RAB40C: variants seen among roughly 807,000 people sequenced by gnomAD.
RAB40C encodes ras-related protein Rab-40C.
In RAB40C, 8 loss-of-function variants were observed where a neutral mutation model predicts 28.1. The ratio of observed to expected loss-of-function variants is 0.28; its 90% CI spans 0.17 to 0.51. The LOEUF (loss-of-function observed/expected upper bound fraction) is 0.51, where lower values mean the gene tolerates loss of function less well. Ranked by LOEUF, RAB40C falls within the 20% of genes least tolerant of loss-of-function variation. The pLI is 0.97. For synonymous variants in RAB40C, 201 were observed against 171.7 expected (o/e 1.17, Z -1.34); for missense variants, 288 against 405.9 (o/e 0.71, Z 2.50).
intron 4 of RAB40C, 86 bp downstream of exon 4, chr16:625,595 G>C: frequency 1.5e-6 from 2 of 1,378,848 alleles, no homozygotes; most frequent in Admixed American, 3.6e-5. Flanking sequence ...ATTCCCGCCT[G>C]CCGCCCCTCC....
chr16:592,867 G>A (rs530121525), intron 1 of RAB40C, among the ~76,000 whole-genome samples: 3 of 152,356 alleles, frequency 2.0e-5, no homozygotes, highest in Non-Finnish European at 4.4e-5. Flanking sequence ...TGTCCCCTTC[G>A]TCGGGCTGTG....
chr16:625,771 C>T, intron 4 of RAB40C, 128 bp from the exon 5 acceptor site: 1 of 1,013,320 alleles, frequency 9.9e-7, no homozygotes. Flanking sequence ...CCCACCTTGA[C>T]CTCCGCCCAC....
chr16:616,231 G>C (rs2036581541), intron 1 of RAB40C, among the ~76,000 whole-genome samples: 1 of 150,992 alleles, frequency 6.6e-6, no homozygotes, highest in Non-Finnish European at 1.5e-5. Flanking sequence ...ACTCCAGCCT[G>C]GGTGACTGAG....
At chr16:618,534 C>T (rs1224305683) in intron 3 of RAB40C, among the ~76,000 whole-genome samples, 2 of 152,266 alleles carry the variant, frequency 1.3e-5, no homozygotes, top group Non-Finnish European at 2.9e-5. Context: ...GGAGTACAGG[C>T]GCAGTGGGTG....
At chr16:601,137 C>G (rs564848148) in intron 1 of RAB40C, among the ~76,000 whole-genome samples, 4 of 152,286 alleles carry the variant, frequency 2.6e-5, no homozygotes, top group African/African-American at 9.6e-5. Flanking sequence ...GTGTTTGGAA[C>G]AGAGATAGAA....
At chr16:590,658 G>A (rs1205301861) in intron 1 of RAB40C, among the ~76,000 whole-genome samples, 1 of 152,246 alleles carries the variant, frequency 6.6e-6, no homozygotes, top group Non-Finnish European at 1.5e-5. Flanking sequence ...GCGCCCAGCG[G>A]GGACGGTGCC....
intron 1 of RAB40C, among the ~76,000 whole-genome samples, chr16:615,560 A>T (rs1001165784): frequency 3.3e-5 from 5 of 152,332 alleles, no homozygotes; most frequent in African/African-American, 1.2e-4. Context: ...GAGGGCCCAG[A>T]GCCTGTTTAA....
intron 2 of RAB40C, among the ~76,000 whole-genome samples, 163 bp downstream of exon 2, chr16:617,431 A>C (rs547258481): frequency 6.6e-6 from 1 of 152,330 alleles, no homozygotes; most frequent in African/African-American, 2.4e-5. Context: ...CTCCAACAGG[A>C]AAAAGACAGT....
At chr16:600,586 A>G (rs987284250) in intron 1 of RAB40C, among the ~76,000 whole-genome samples, 2 of 152,156 alleles carry the variant, frequency 1.3e-5, no homozygotes, top group Non-Finnish European at 1.5e-5. Context: ...CCCCGTCTCT[A>G]CTAAAAATTC....
chr16:609,717 C>T (rs1374854644), intron 1 of RAB40C, among the ~76,000 whole-genome samples: 1 of 152,150 alleles, frequency 6.6e-6, no homozygotes, highest in Admixed American at 6.5e-5. Context: ...ATAAGCAGCA[C>T]ATTTTAAAAA....
At position 625,979 on chromosome 16, in the gene RAB40C, C is replaced by T. The variant is rs1422234277; in HGVS notation, c.423C>T (p.Ala141=). 4 of 1,613,172 alleles carry T rather than the reference C, an allele frequency of 2.5e-6. No individual in the cohort carries two copies. Among genetic ancestry groups the T allele is most frequent in the Non-Finnish European group, 3.4e-6 (4 of 1,179,994 alleles). Residue 141 remains alanine (A), a synonymous_variant, in exon 5 of 6, where the codon GCC becomes GCT. Transcript: ENST00000248139. The stretch of plus-strand genomic sequence containing the variant: ...AGCGGCAGGTCCCGACGGAGCAGGC[C>T]CGCGCGTACGCAGAGAAGAACTGCA... ...AFKRQVPTEQ[A]RAYAEKNCMT... is the part of the protein sequence containing the mutation.
chr16:618,162 A>G (rs1199767027), intron 2 of RAB40C, 38 bp from the exon 3 acceptor site: 1 of 1,594,844 alleles, frequency 6.3e-7, no homozygotes. Flanking sequence ...TCTCACAGGG[A>G]CCACAGTCCC....
intron 3 of RAB40C, among the ~76,000 whole-genome samples, chr16:619,327 CAT>C (rs1339146412): frequency 5.3e-5 from 8 of 150,602 alleles, no homozygotes; most frequent in Admixed American, 3.3e-4. Context: ...CACTCAGGGC[CAT>C]GTGTGTGTGC....
intron 1 of RAB40C, among the ~76,000 whole-genome samples, chr16:598,901 G>A (rs2036190208): frequency 6.6e-6 from 1 of 152,220 alleles, no homozygotes; most frequent in Non-Finnish European, 1.5e-5. Flanking sequence ...CTCTCCAGCA[G>A]CTCCAGCAGC....
chr16:598,561 C>CAAAAAA (rs938034632), intron 1 of RAB40C, among the ~76,000 whole-genome samples: 3 of 54,896 alleles, frequency 5.5e-5, no homozygotes, highest in Non-Finnish European at 7.8e-5. Context: ...CTCTGTCTCA[C>CAAAAAA]AAAAAAAAAA....
intron 1 of RAB40C, among the ~76,000 whole-genome samples, chr16:608,999 C>T (rs1174137944): frequency 6.6e-6 from 1 of 152,154 alleles, no homozygotes; most frequent in African/African-American, 2.4e-5. Flanking sequence ...CCTGTAGTCC[C>T]AGCTACTCAG....
Position 623,571 on chromosome 16 carries a change from G to A in RAB40C, c.265-1861G>A, listed in dbSNP as rs1022832257. Among the ~76,000 whole-genome samples the A allele has an allele frequency of 8.6e-5, 13 of 150,972 alleles. 1 individual carries two copies. Among genetic ancestry groups the A allele is most frequent in the Admixed American group, 4.6e-4 (7 of 15,114 alleles). On this transcript the variant is annotated intron_variant, in intron 3 of 5. Transcript: ENST00000248139. ...CAGGAGACTGAGGCAGGAGAATGGC[G>A]TGAACCCGGAAGCGGAGATCGTGCG...
rs1037006707 is a variant in RAB40C, at chr16:610,400, TGAG to T, written c.143-6801_143-6799del. Among the ~76,000 whole-genome samples, 6 of 151,908 alleles carry T rather than the reference TGAG, an allele frequency of 3.9e-5. No individual in the cohort carries two copies. The South Asian group carries it at 8.3e-4, about 21-fold the overall frequency. On this transcript the variant is annotated intron_variant, in intron 1 of 5. Coordinates refer to ENST00000248139, the MANE Select transcript of RAB40C (RefSeq NM_021168.5). The surrounding 1 kb of genome is among the most constrained non-coding windows in gnomAD (Gnocchi z 4.6). ...AGCAAGGCCTGTGGCACCCAGCAGA[TGAG>T]GAGGAGAGCAGGGGGAAGGGTGGCA...
At position 590,748 on chromosome 16, in the gene RAB40C, AG is replaced by A. The variant is rs147296229; in HGVS notation, c.142+319del. On this transcript the variant is annotated intron_variant, in intron 1 of 5. Transcript: ENST00000248139. ...GTCATGGGTCCGGGATCTGGAGCCCAGGGGAAGGTGTCATGGGTCCTAGAGA... is the reference window on the plus strand; with the variant it reads ...GTCATGGGTCCGGGATCTGGAGCCCAGGGAAGGTGTCATGGGTCCTAGAGA... Among the ~76,000 whole-genome samples, 1,122 of 150,130 alleles carry A rather than the reference AG, an allele frequency of 7.5e-3. 19 individuals carry two copies. The highest frequency in any genetic ancestry group is 0.026 in the African/African-American group (1,068 of 40,702).
Sources: allele counts gnomAD v4.1 joint callset (sites outside exome capture counted in the v4.1 genomes callset), GRCh38; gene constraint gnomAD v4.1.1; non-coding constraint Gnocchi (gnomAD v3.1); transcripts MANE v1.5; gene names NCBI Gene and HGNC (gene_info 2026-07-23, HGNC 2026-07-21).